Variants in VWA8 observed in about 807,000 individuals in gnomAD.
VWA8 encodes the protein von Willebrand factor A domain-containing protein 8.
In VWA8, 221 loss-of-function variants were observed where a neutral mutation model predicts 241.5. The ratio of observed to expected loss-of-function variants is 0.91; its 90% confidence interval spans 0.82 to 1.02. The LOEUF (loss-of-function observed/expected upper bound fraction) is 1.02. VWA8 is among the 50% of genes least tolerant of loss of function. VWA8 has a pLI of 0.00. For missense variants in VWA8, 2,322 were observed against 2,328.7 expected (o/e 1.00, Z 0.06); for synonymous variants, 852 against 827.1 (o/e 1.03, Z -0.52).
chr13:41,894,045 T>C (rs1166216392), intron 4 of VWA8, among the ~76,000 whole-genome samples: 1 of 152,256 alleles, frequency 6.6e-6, no homozygotes, highest in Non-Finnish European at 1.5e-5. Flanking sequence ...TTTAGCAATC[T>C]TTCTTATACG....
At chr13:41,869,660 A>AG (rs1233162164) in intron 9 of VWA8, among the ~76,000 whole-genome samples, 3 of 133,230 alleles carry the variant, frequency 2.3e-5, no homozygotes, top group Non-Finnish European at 4.9e-5. Flanking sequence ...AAAAAAAAAA[A>AG]GGCTAGAACC....
chr13:41,772,740 G>A (rs1303019421), intron 20 of VWA8, among the ~76,000 whole-genome samples: 2 of 152,106 alleles, frequency 1.3e-5, no homozygotes, highest in African/African-American at 4.8e-5. Flanking sequence ...ATAAATAAGG[G>A]GCAGGCTACT....
intron 40 of VWA8, among the ~76,000 whole-genome samples, chr13:41,600,154 A>C (rs1216130514): frequency 1.3e-5 from 2 of 152,140 alleles, no homozygotes; most frequent in Non-Finnish European, 2.9e-5. Flanking sequence ...TATATTTAGC[A>C]AAAATTCTTC....
intron 42 of VWA8, among the ~76,000 whole-genome samples, chr13:41,578,270 G>T (rs2044362760): frequency 6.6e-6 from 1 of 152,110 alleles, no homozygotes; most frequent in African/African-American, 2.4e-5. Context: ...ACACCTAAGT[G>T]ACAGGATGGA....
chr13:41,784,446 T>C (rs1246121376), intron 18 of VWA8, among the ~76,000 whole-genome samples: 1 of 151,832 alleles, frequency 6.6e-6, no homozygotes, highest in East Asian at 1.9e-4. Context: ...AAGGATCACT[T>C]GAGCCTAGGG....
intron 19 of VWA8, among the ~76,000 whole-genome samples, chr13:41,782,072 A>G (rs1868913725): frequency 6.6e-6 from 1 of 152,226 alleles, no homozygotes; most frequent in African/African-American, 2.4e-5. Context: ...TGTCCGTACA[A>G]TTGGTACAGC....
chr13:41,858,533 G>GGT (rs1872860271), intron 12 of VWA8, among the ~76,000 whole-genome samples: 10 of 152,066 alleles, frequency 6.6e-5, no homozygotes, highest in Admixed American at 5.2e-4. Context: ...TTGAACCCGG[G>GGT]AGGCGGAGGT....
Position 41,732,085 on chromosome 13 carries a change from G to T in VWA8, c.2497C>A (p.Pro833Thr). The T allele has an allele frequency of 6.2e-7, 1 of 1,612,440 alleles. No individual in the cohort carries two copies. Among genetic ancestry groups the T allele is most frequent in the Non-Finnish European group, 8.5e-7 (1 of 1,178,986 alleles). The change falls in exon 22 of 45, where the codon CCT (proline) becomes ACT (threonine). Residue 833 changes from proline (P) to threonine (T), a missense_variant. Coordinates refer to ENST00000379310, the MANE Select transcript of VWA8 (RefSeq NM_015058.2). ...KDGLIVYEDS[P>T]LVKAVKLGHI... ...TCTATGATTAGGTTACTAACCAAAG[G>T]TGAGTCTTCATATACAATAAGTCCG...
chr13:41,681,390 A>AT (rs1251643974), intron 35 of VWA8, among the ~76,000 whole-genome samples: 1 of 152,112 alleles, frequency 6.6e-6, no homozygotes, highest in African/African-American at 2.4e-5. Context: ...GTCATGAATG[A>AT]TTTTTTTCTT....
At chr13:41,830,038 C>T (rs1438620937) in intron 14 of VWA8, among the ~76,000 whole-genome samples, 1 of 152,046 alleles carries the variant, frequency 6.6e-6, no homozygotes. Flanking sequence ...GTCAGGAGAT[C>T]GAGACCATCC....
chr13:41,656,447 G>A (rs1028062093), intron 37 of VWA8, among the ~76,000 whole-genome samples: 4 of 151,984 alleles, frequency 2.6e-5, no homozygotes, highest in Non-Finnish European at 5.9e-5. Context: ...TTTCTTGGGG[G>A]GTAAGGGGAT....
intron 19 of VWA8, among the ~76,000 whole-genome samples, chr13:41,779,888 A>T (rs1436026636): frequency 6.6e-6 from 1 of 152,196 alleles, no homozygotes; most frequent in Non-Finnish European, 1.5e-5. Context: ...TATTCAAGTC[A>T]ACAAACCTTA....
chr13:41,731,437 A>G (rs1273802978), intron 22 of VWA8, among the ~76,000 whole-genome samples: 2 of 152,226 alleles, frequency 1.3e-5, no homozygotes, highest in South Asian at 2.1e-4. Context: ...TTTGAAAATG[A>G]TAGTAAACTT....
chr13:41,568,362 T>G (rs755941760), intron 44 of VWA8, 57 bp from the exon 45 acceptor site: 1 of 1,461,672 alleles, frequency 6.8e-7, no homozygotes, highest in South Asian at 1.1e-5. Context: ...CCCTTCCACC[T>G]CCTGCCCTGG....
intron 24 of VWA8, among the ~76,000 whole-genome samples, chr13:41,726,691 C>CT (rs1245555457): frequency 1.3e-5 from 2 of 152,120 alleles, no homozygotes; most frequent in African/African-American, 4.8e-5. Context: ...ATCCCAGACA[C>CT]TATCAAAAAA....
intron 27 of VWA8, among the ~76,000 whole-genome samples, chr13:41,702,962 C>A (rs974933584): frequency 1.3e-5 from 2 of 152,144 alleles, no homozygotes; most frequent in Non-Finnish European, 2.9e-5. Flanking sequence ...ACTTTACTTT[C>A]ACATGAAGAC....
Position 41,947,931 on chromosome 13 carries a change from C to CAAA in VWA8, c.241+2002_241+2004dup, listed in dbSNP as rs1218456579. ...TGGGCCACAAAGTGAGACCCTGTCT[C>CAAA]AAAAAAAAAAAAAAAAAAAAAACAA... On this transcript the variant is annotated intron_variant, in intron 2 of 44. Coordinates refer to ENST00000379310, the MANE Select transcript of VWA8 (RefSeq NM_015058.2). Among the ~76,000 whole-genome samples, 74 of 20,550 alleles carry CAAA rather than the reference C, an allele frequency of 3.6e-3. 8 individuals are homozygous for CAAA. Among genetic ancestry groups the CAAA allele is most frequent in the East Asian group, 0.016 (4 of 250 alleles). 13.5% of individuals were successfully genotyped at this position (20,550 alleles called of 152,430 possible). A position where few individuals can be genotyped will look rare whatever the true frequency, so the allele number is the denominator to read the frequency against.
At chr13:41,920,787 G>A (rs1876486389) in intron 2 of VWA8, among the ~76,000 whole-genome samples, 3 of 152,014 alleles carry the variant, frequency 2.0e-5, no homozygotes, top group Admixed American at 2.0e-4. Flanking sequence ...TGAAATTGAG[G>A]CAATAATAGG....
intron 12 of VWA8, among the ~76,000 whole-genome samples, chr13:41,844,912 C>T (rs773773996): frequency 3.3e-5 from 5 of 151,640 alleles, no homozygotes; most frequent in South Asian, 4.2e-4. Context: ...CAAAAACTAA[C>T]GGAAAAACAT....
Sources: allele counts gnomAD v4.1 joint callset (sites outside exome capture counted in the v4.1 genomes callset), GRCh38; gene constraint gnomAD v4.1.1; transcripts MANE v1.5; gene names NCBI Gene and HGNC (gene_info 2026-07-23, HGNC 2026-07-21).